Variants in ARHGAP24 observed in about 807,000 individuals in gnomAD.
ARHGAP24 encodes the protein Rho GTPase activating protein 24, also known as rho GTPase-activating protein 24.
ARHGAP24 carries 50 observed loss-of-function variants against 76.4 expected under a neutral mutation model. The ratio of observed to expected loss-of-function variants is 0.65; its 90% CI spans 0.52 to 0.83. ARHGAP24 has a LOEUF of 0.83. Among genes scored for constraint, ARHGAP24 ranks in the 40% least tolerant of loss-of-function variants. ARHGAP24 has a pLI of 0.00. For missense variants in ARHGAP24, 930 were observed against 914.2 expected (o/e 1.02, Z -0.22); for synonymous variants, 345 against 323.3 (o/e 1.07, Z -0.72).
chr4:85,861,307 C>A (rs74630895), intron 3 of ARHGAP24, among the ~76,000 whole-genome samples: 1 of 151,962 alleles, frequency 6.6e-6, no homozygotes, highest in African/African-American at 2.4e-5. Context: ...TAACATGAGC[C>A]GGAACAGTGA....
intron 3 of ARHGAP24, among the ~76,000 whole-genome samples, chr4:85,835,475 G>C (rs1200091349): frequency 6.8e-6 from 1 of 147,140 alleles, no homozygotes; most frequent in East Asian, 2.1e-4. Flanking sequence ...AGAATGACGT[G>C]AACCCGGGAG....
intron 3 of ARHGAP24, among the ~76,000 whole-genome samples, chr4:85,784,115 G>T (rs1178220905): frequency 6.6e-6 from 1 of 152,132 alleles, no homozygotes; most frequent in Non-Finnish European, 1.5e-5. Context: ...TGACCTCTCA[G>T]AGGTTGCTCA....
intron 3 of ARHGAP24, among the ~76,000 whole-genome samples, chr4:85,888,964 T>C (rs1406876404): frequency 6.6e-6 from 1 of 152,216 alleles, no homozygotes; most frequent in Non-Finnish European, 1.5e-5. Flanking sequence ...CTTTTTCTTT[T>C]TTATGGCTGC....
intron 2 of ARHGAP24, among the ~76,000 whole-genome samples, chr4:85,687,365 C>T (rs889399130): frequency 6.6e-6 from 1 of 152,080 alleles, no homozygotes; most frequent in Admixed American, 6.5e-5. Context: ...GGCATGGATC[C>T]TATCACCCAG....
At chr4:85,950,623 T>C (rs1029127496) in intron 5 of ARHGAP24, among the ~76,000 whole-genome samples, 2 of 151,850 alleles carry the variant, frequency 1.3e-5, no homozygotes, top group African/African-American at 4.8e-5. Context: ...TTATAATAAT[T>C]TTTTTTCTTT....
intron 1 of ARHGAP24, among the ~76,000 whole-genome samples, chr4:85,495,003 T>G (rs1723505668): frequency 7.0e-6 from 1 of 142,162 alleles, no homozygotes; most frequent in Non-Finnish European, 1.5e-5. Flanking sequence ...GAGGCTGAGG[T>G]AGAATGGCAT....
intron 1 of ARHGAP24, among the ~76,000 whole-genome samples, chr4:85,526,481 C>T (rs985279264): frequency 4.0e-5 from 6 of 151,542 alleles, no homozygotes; most frequent in African/African-American, 1.5e-4. Context: ...AAAGTAGTTG[C>T]CTGCAGAAAA....
chr4:85,887,729 G>A (rs533503645), intron 3 of ARHGAP24, among the ~76,000 whole-genome samples: 16 of 152,112 alleles, frequency 1.1e-4, no homozygotes, highest in Admixed American at 9.8e-4. Flanking sequence ...TGATGCTTAG[G>A]TGAATTTTGA....
chr4:85,490,822 A>G (rs1331704243), intron 1 of ARHGAP24, among the ~76,000 whole-genome samples: 1 of 152,216 alleles, frequency 6.6e-6, no homozygotes, highest in Non-Finnish European at 1.5e-5. Context: ...CAGAGCTTGT[A>G]TGACCAGACA....
intron 2 of ARHGAP24, among the ~76,000 whole-genome samples, chr4:85,618,454 T>C (rs536981220): frequency 1.3e-5 from 2 of 152,310 alleles, no homozygotes; most frequent in African/African-American, 2.4e-5. Flanking sequence ...AGAGTGCAGA[T>C]ATTTATTCAA....
At position 85,972,278 on chromosome 4, in the gene ARHGAP24, T is replaced by C. The variant is rs1739032619; in HGVS notation, c.732+110T>C. 3 of 1,432,886 alleles carry C rather than the reference T, an allele frequency of 2.1e-6. No homozygotes were observed. The South Asian group carries it at 3.6e-5, about 17-fold the overall frequency. 88.8% of individuals were successfully genotyped at this position (1,432,886 alleles called of 1,614,324 possible). A position where few individuals can be genotyped will look rare whatever the true frequency, so the allele number is the denominator to read the frequency against. ...GCCCTATCCCGGTGTTACTCTCCAC[T>C]ATCCTTTGAATTGACCTCACACACA... On this transcript the variant is annotated intron_variant, in intron 6 of 9. Coordinates refer to ENST00000395184, the MANE Select transcript of ARHGAP24 (RefSeq NM_001025616.3).
At chr4:85,928,211 G>A (rs575211639) in intron 4 of ARHGAP24, among the ~76,000 whole-genome samples, 2 of 132,588 alleles carry the variant, frequency 1.5e-5, no homozygotes, top group South Asian at 2.5e-4. Flanking sequence ...GGAAGGTTTC[G>A]TTTTCCTTCC....
chr4:85,947,328 C>A (rs1578420014), intron 5 of ARHGAP24, among the ~76,000 whole-genome samples: 2 of 152,034 alleles, frequency 1.3e-5, no homozygotes, highest in East Asian at 3.9e-4. Flanking sequence ...TAGAAGTTCT[C>A]TAGTTTAATT....
At chr4:85,584,813 C>T (rs1727779467) in intron 2 of ARHGAP24, among the ~76,000 whole-genome samples, 1 of 152,116 alleles carries the variant, frequency 6.6e-6, no homozygotes, top group African/African-American at 2.4e-5. Flanking sequence ...AAGAATACAG[C>T]TTGTCATATC....
intron 8 of ARHGAP24, among the ~76,000 whole-genome samples, chr4:85,987,802 A>C (rs1740092218): frequency 6.6e-6 from 1 of 151,924 alleles, no homozygotes; most frequent in African/African-American, 2.4e-5. Context: ...TTTTTCACAG[A>C]ATTGATGAAA....
At chr4:85,730,666 C>T (rs1340011238) in intron 3 of ARHGAP24, among the ~76,000 whole-genome samples, 2 of 152,156 alleles carry the variant, frequency 1.3e-5, no homozygotes, top group Non-Finnish European at 2.9e-5. Flanking sequence ...CCCTCAGCCT[C>T]CCAAAGTGCT....
In ARHGAP24 at chr4:85,994,678, G is replaced by A. The variant is rs762927334; in HGVS notation, c.1024G>A (p.Gly342Arg). 6.2e-7 allele frequency: 1 copy of A among 1,614,026 alleles called. No homozygotes were observed. Among genetic ancestry groups the A allele is most frequent in the African/African-American group, 1.3e-5 (1 of 74,908 alleles). The change falls in exon 9 of 10, where the codon GGA (glycine) becomes AGA (arginine). Residue 342 changes from glycine (G) to arginine (R), a missense_variant. Gly to Arg is a moderately radical substitution (Grantham distance 125, BLOSUM62 -2). Transcript: ENST00000395184. ...DAELQSKPQD[G>R]VSNNNEIQKK... The stretch of plus-strand genomic sequence containing the variant: ...AGAACTACAAAGCAAGCCCCAAGAT[G>A]GAGTGAGCAACAACAATGAAATTCA...
At chr4:85,996,922 C>T (rs375283772) in intron 9 of ARHGAP24, among the ~76,000 whole-genome samples, 2 of 152,164 alleles carry the variant, frequency 1.3e-5, no homozygotes, top group South Asian at 4.1e-4. Flanking sequence ...AAAGTTATCA[C>T]TATGAATTTG....
intron 1 of ARHGAP24, among the ~76,000 whole-genome samples, chr4:85,556,105 T>G (rs1056987653): frequency 6.6e-6 from 1 of 151,932 alleles, no homozygotes; most frequent in Non-Finnish European, 1.5e-5. Flanking sequence ...TGACTGCAAC[T>G]GCTGGCCCAA....
Sources: gnomAD v4.1 joint callset for allele counts (sites outside exome capture counted in the v4.1 genomes callset) on GRCh38, gnomAD v4.1.1 for gene constraint, MANE v1.5 for transcripts, NCBI Gene and HGNC (gene_info 2026-07-23, HGNC 2026-07-21) for gene names.